The following FBN1 variants were observed in gnomAD, a reference collection of about 807,000 sequenced individuals.
FBN1 encodes fibrillin 1, also known as fibrillin-1.
A neutral mutation model predicts 365.1 loss-of-function variants in FBN1; 29 were observed. The observed-to-expected ratio is 0.08, with a 90% CI of 0.06 to 0.11. The LOEUF is 0.11. Ranked by LOEUF, FBN1 falls within the 10% of genes least tolerant of loss-of-function variation. The probability of loss-of-function intolerance (pLI) is 1.00; values close to 1 mark genes in which losing one functional copy is unlikely to be tolerated. For synonymous variants in FBN1, 1,210 were observed against 1,270.5 expected (o/e 0.95, Z 1.01); for missense variants, 2,476 against 3,703.2 (o/e 0.67, Z 8.60).
chr15:48,546,572 T>C (rs2044095255), intron 6 of FBN1, among the ~76,000 whole-genome samples: 1 of 152,144 alleles, frequency 6.6e-6, no homozygotes, highest in Non-Finnish European at 1.5e-5. Context: ...TGAGGTTGGA[T>C]CCTTTGGCAG....
chr15:48,481,502 A>G (rs951551104), intron 32 of FBN1, among the ~76,000 whole-genome samples, 153 bp downstream of exon 32: 1 of 152,226 alleles, frequency 6.6e-6, no homozygotes, highest in Non-Finnish European at 1.5e-5. Context: ...GACAAATTTC[A>G]AAGAAGTGGA....
chr15:48,566,651 A>G (rs2140664466), intron 6 of FBN1, among the ~76,000 whole-genome samples: 1 of 152,334 alleles, frequency 6.6e-6, no homozygotes, highest in East Asian at 1.9e-4. Context: ...ATGAAACCAT[A>G]ATTCTCCTTT....
chr15:48,498,875 A>G lies in FBN1; in HGVS notation c.2167+110T>C, dbSNP rs990018636. ...AGATACATGGCACAGTGATGGCCAG[A>G]GAGGGAGTCAGGCCAGACTAGTGTA... On this transcript the variant is annotated intron_variant, in intron 18 of 65. Transcript: ENST00000316623. The G allele has an allele frequency of 2.9e-6, 3 of 1,038,452 alleles. No individual in the cohort carries two copies. The African/African-American group carries it at 4.7e-5, about 16-fold the overall frequency. The allele number at this position is 1,038,452 out of a possible 1,614,324, so 64.3% of individuals were successfully genotyped here.
At chr15:48,584,462 G>C (rs573170712) in intron 6 of FBN1, among the ~76,000 whole-genome samples, 1 of 152,298 alleles carries the variant, frequency 6.6e-6, no homozygotes, top group South Asian at 2.1e-4. Flanking sequence ...ACTCCTTTGA[G>C]ATATGATTTA....
intron 64 of FBN1, among the ~76,000 whole-genome samples, chr15:48,415,196 A>C (rs2042892561): frequency 6.6e-6 from 1 of 152,210 alleles, no homozygotes; most frequent in Non-Finnish European, 1.5e-5. Flanking sequence ...AGTCGTGTGC[A>C]GGGTGAGCCC....
intron 10 of FBN1, among the ~76,000 whole-genome samples, chr15:48,519,930 C>T (rs986090352): frequency 6.6e-5 from 10 of 152,186 alleles, no homozygotes; most frequent in African/African-American, 1.7e-4. Flanking sequence ...TCTCGACTAA[C>T]GAAAGTGTGC....
intron 2 of FBN1, among the ~76,000 whole-genome samples, chr15:48,629,405 A>G (rs1298334163): frequency 6.6e-6 from 1 of 152,206 alleles, no homozygotes; most frequent in African/African-American, 2.4e-5. Flanking sequence ...AGATCAACCA[A>G]TTGCAAAATA....
intron 50 of FBN1, among the ~76,000 whole-genome samples, chr15:48,441,242 T>C (rs1411980438): frequency 6.6e-6 from 1 of 152,174 alleles, no homozygotes; most frequent in African/African-American, 2.4e-5. Flanking sequence ...AGAATCCTGA[T>C]CAGTTTAAAT....
intron 6 of FBN1, among the ~76,000 whole-genome samples, chr15:48,584,936 T>C (rs528949295): frequency 6.6e-6 from 1 of 152,332 alleles, no homozygotes; most frequent in East Asian, 1.9e-4. Context: ...AGTTTTCAAA[T>C]GATTATATAA....
intron 47 of FBN1, 68 bp from the exon 48 acceptor site, chr15:48,445,572 A>T (rs961383804): frequency 4.5e-6 from 7 of 1,554,392 alleles, no homozygotes; most frequent in Non-Finnish European, 6.2e-6. Flanking sequence ...AATAATCAAA[A>T]CTTCTAAAAG....
rs183333145 is a variant in FBN1 at position 48,492,068 on chromosome 15, C to T, written c.2854+393G>A. Among the ~76,000 whole-genome samples, 11 of 152,278 alleles carry T rather than the reference C, an allele frequency of 7.2e-5. No individual in the cohort carries two copies. In the East Asian group the frequency reaches 2.1e-3, roughly 29 times the overall value. On this transcript the variant is annotated intron_variant, in intron 24 of 65. Coordinates refer to ENST00000316623, the MANE Select transcript of FBN1 (RefSeq NM_000138.5). ...GTGGCATCTTCACTCCTGATCTCCACAGGTGTTTTTGCAAGGACCTGTCCT... is the reference window on the plus strand; with the variant it reads ...GTGGCATCTTCACTCCTGATCTCCATAGGTGTTTTTGCAAGGACCTGTCCT...
At chr15:48,468,680 T>G (rs2043343019) in intron 36 of FBN1, 146 bp from the exon 37 acceptor site, 9 of 799,214 alleles carry the variant, frequency 1.1e-5, no homozygotes, top group Non-Finnish European at 1.9e-5. Context: ...AGTCTTCCAC[T>G]TCAGAGATAA....
At chr15:48,562,795 A>G (rs1174664688) in intron 6 of FBN1, among the ~76,000 whole-genome samples, 2 of 152,164 alleles carry the variant, frequency 1.3e-5, no homozygotes, top group African/African-American at 4.8e-5. Context: ...AGAACAGCCC[A>G]CACAAGCTTT....
At chr15:48,582,518 G>C (rs1407425953) in intron 6 of FBN1, among the ~76,000 whole-genome samples, 2 of 152,196 alleles carry the variant, frequency 1.3e-5, no homozygotes, top group Non-Finnish European at 2.9e-5. Flanking sequence ...ACAGTGTGTT[G>C]CTAGGTGGTT....
At chr15:48,596,241 G>A (rs2044514298) in intron 6 of FBN1, 42 bp downstream of exon 6, 2 of 1,553,584 alleles carry the variant, frequency 1.3e-6, no homozygotes, top group Admixed American at 1.7e-5. Context: ...ACAGCTTTAG[G>A]TACCAGCATG....
At chr15:48,516,887 G>A (rs896845047) in intron 10 of FBN1, among the ~76,000 whole-genome samples, 1 of 152,138 alleles carries the variant, frequency 6.6e-6, no homozygotes, top group Non-Finnish European at 1.5e-5. Context: ...ATGTCCGGAT[G>A]GGGGAGTCAG....
intron 46 of FBN1, among the ~76,000 whole-genome samples, chr15:48,447,358 A>G (rs1466609139): frequency 6.6e-6 from 1 of 152,146 alleles, no homozygotes; most frequent in Non-Finnish European, 1.5e-5. Context: ...ACATAGAACA[A>G]CTTCCACCAA....
At chr15:48,533,322 A>C (rs1027355805) in intron 8 of FBN1, among the ~76,000 whole-genome samples, 1 of 152,170 alleles carries the variant, frequency 6.6e-6, no homozygotes, top group African/African-American at 2.4e-5. Context: ...ACATTACTAT[A>C]TATAAGTTAC....
chr15:48,448,727 T>A (rs1362875017), intron 46 of FBN1, 41 bp downstream of exon 46: 2 of 1,593,618 alleles, frequency 1.3e-6, no homozygotes, highest in African/African-American at 2.7e-5. Context: ...AATGAAGCTT[T>A]CAACAGCATA....
Sources: allele counts gnomAD v4.1 joint callset (sites outside exome capture counted in the v4.1 genomes callset), GRCh38; gene constraint gnomAD v4.1.1; transcripts MANE v1.5; gene names NCBI Gene and HGNC (gene_info 2026-07-23, HGNC 2026-07-21).